The following WNT16 variants were observed in gnomAD, a reference collection of about 807,000 sequenced individuals.
The protein encoded by WNT16 is Wnt family member 16, also known as protein Wnt-16.
WNT16 carries 20 observed loss-of-function variants against 35.4 expected under a neutral mutation model. The observed-to-expected ratio is 0.56, with a 90% CI of 0.40 to 0.82. WNT16 has a LOEUF of 0.82. Ranked by LOEUF, WNT16 falls within the 40% of genes least tolerant of loss-of-function variation. WNT16 has a pLI of 0.00. For synonymous variants in WNT16, 180 were observed against 179.2 expected (o/e 1.00, Z -0.03); for missense variants, 461 against 466.0 (o/e 0.99, Z 0.10).
At chr7:121,326,405 C>A (rs2116827781), upstream of WNT16, among the ~76,000 whole-genome samples, 1 of 152,282 alleles carries the variant, frequency 6.6e-6, no homozygotes, top group African/African-American at 2.4e-5. Flanking sequence ...CTAGCCCATA[C>A]AAAAGAGATG....
intron 3 of WNT16, among the ~76,000 whole-genome samples, chr7:121,332,652 G>A (rs1453047931): frequency 6.6e-6 from 1 of 151,908 alleles, no homozygotes; most frequent in Admixed American, 6.6e-5. Context: ...GGTAATATGT[G>A]CCCTTAACTA....
intron 2 of WNT16, 142 bp downstream of exon 2, chr7:121,329,959 G>C: frequency 7.6e-7 from 1 of 1,319,574 alleles, no homozygotes; most frequent in Non-Finnish European, 1.0e-6. Context: ...CGGGGATTGA[G>C]AGCTACAAAG....
In WNT16 at chr7:121,338,950, T is replaced by C. The variant is rs1562877801; in HGVS notation, c.703T>C (p.Cys235Arg). 2 of 1,614,160 alleles carry C rather than the reference T, an allele frequency of 1.2e-6. No homozygotes were observed. Among genetic ancestry groups the C allele is most frequent in the Non-Finnish European group, 8.5e-7 (1 of 1,180,016 alleles). ...GVSGSCAVKT[C>R]WKTMSSFEKI... Reference sequence around the variant, plus strand: ...TTCCGGCTCCTGTGCTGTGAAAACATGCTGGAAAACCATGTCTTCTTTTGA... The same window carrying C: ...TTCCGGCTCCTGTGCTGTGAAAACACGCTGGAAAACCATGTCTTCTTTTGA... Residue 235 changes from cysteine to arginine, a missense_variant, in exon 4 of 4, where the codon TGC becomes CGC. Transcript: ENST00000222462.
intron 3 of WNT16, among the ~76,000 whole-genome samples, chr7:121,335,849 TA>T (rs1457390542): frequency 6.6e-5 from 10 of 152,278 alleles, no homozygotes; most frequent in Admixed American, 3.3e-4. Flanking sequence ...TATTTTTCTG[TA>T]AAATTGAAAT....
chr7:121,332,258 A>C (rs541402291), intron 3 of WNT16, among the ~76,000 whole-genome samples: 2 of 133,962 alleles, frequency 1.5e-5, no homozygotes, highest in Non-Finnish European at 3.4e-5. Flanking sequence ...GTGTGTATAC[A>C]CATTTGCACA....
At chr7:121,325,535 G>C, upstream of WNT16, 1 of 1,549,520 alleles carries the variant, frequency 6.5e-7, no homozygotes, top group Non-Finnish European at 8.8e-7. Flanking sequence ...TTTCAATGGA[G>C]AGATCTGTGA....
At chr7:121,333,133 T>C (rs1793380529) in intron 3 of WNT16, among the ~76,000 whole-genome samples, 1 of 152,032 alleles carries the variant, frequency 6.6e-6, no homozygotes, top group East Asian at 1.9e-4. Flanking sequence ...CTTATAAAGG[T>C]CCCAAAGTAA....
At chr7:121,328,740 T>C (rs781765951), upstream of WNT16, among the ~76,000 whole-genome samples, 3 of 152,206 alleles carry the variant, frequency 2.0e-5, no homozygotes, top group African/African-American at 4.8e-5. Context: ...CCTGTTAGTC[T>C]TCGGGTTGAA....
At chr7:121,327,310 T>G (rs577578250), upstream of WNT16, among the ~76,000 whole-genome samples, 1 of 152,076 alleles carries the variant, frequency 6.6e-6, no homozygotes, top group East Asian at 1.9e-4. Flanking sequence ...TATTGCTCAC[T>G]GATTGATATA....
upstream of WNT16, among the ~76,000 whole-genome samples, chr7:121,326,037 T>TGAAAAAAA (rs1793239369): frequency 2.9e-5 from 1 of 34,892 alleles, no homozygotes; most frequent in African/African-American, 2.1e-4. Flanking sequence ...ATACCTCATC[T>TGAAAAAAA]CAAAAAAAAA....
chr7:121,331,507 A>G (rs1343850767), intron 2 of WNT16, among the ~76,000 whole-genome samples, 171 bp from the exon 3 acceptor site: 2 of 151,578 alleles, frequency 1.3e-5, no homozygotes, highest in Non-Finnish European at 3.0e-5. Flanking sequence ...GTTGCTTTTT[A>G]AGAGACTAGA....
intron 3 of WNT16, among the ~76,000 whole-genome samples, chr7:121,332,221 G>C (rs1466193015): frequency 7.2e-6 from 1 of 138,922 alleles, no homozygotes; most frequent in Non-Finnish European, 1.5e-5. Flanking sequence ...AGGAGGCTTT[G>C]ATTAGAATAA....
intron 3 of WNT16, among the ~76,000 whole-genome samples, chr7:121,334,497 T>C (rs1257880822): frequency 1.3e-5 from 2 of 152,144 alleles, no homozygotes; most frequent in Non-Finnish European, 2.9e-5. Context: ...ACATTGGCAA[T>C]TAGGATTTTA....
At chr7:121,330,411 C>T (rs764065304) in intron 2 of WNT16, among the ~76,000 whole-genome samples, 4 of 152,242 alleles carry the variant, frequency 2.6e-5, no homozygotes, top group Non-Finnish European at 4.4e-5. Flanking sequence ...TTTCCCTCCT[C>T]GGCGCACTCC....
chr7:121,329,494 G>A, intron 1 of WNT16, 73 bp from the exon 2 acceptor site: 1 of 1,598,772 alleles, frequency 6.3e-7, no homozygotes. Flanking sequence ...ACCCTTAGAC[G>A]AGTGACCTAA....
upstream of WNT16, chr7:121,325,535 G>A: frequency 6.5e-7 from 1 of 1,549,520 alleles, no homozygotes; most frequent in African/African-American, 1.4e-5. Flanking sequence ...TTTCAATGGA[G>A]AGATCTGTGA....
rs986415474 is a variant in WNT16, at chr7:121,340,743, G to A, written c.*1398G>A. 2.0e-5 allele frequency: 3 copies of A among 152,288 alleles called. No individual in the cohort carries two copies. Among genetic ancestry groups the A allele is most frequent in the African/African-American group, 4.8e-5 (2 of 41,386 alleles). 9.4% of individuals were successfully genotyped at this position (152,288 alleles called of 1,614,324 possible). A position where few individuals can be genotyped will look rare whatever the true frequency, so the allele number is the denominator to read the frequency against. ...TGCTGCATTTCTATTTGAATGTTAA[G>A]TGGTCTTTCTTGTTTTTAATATTCA... On this transcript the variant is annotated 3_prime_UTR_variant, in exon 4 of 4. Transcript: ENST00000222462.
chr7:121,330,222 T>C (rs1793317589), intron 2 of WNT16, among the ~76,000 whole-genome samples: 1 of 152,244 alleles, frequency 6.6e-6, no homozygotes, highest in African/African-American at 2.4e-5. Context: ...CCAACTCCGC[T>C]GCGCACCAAA....
Position 121,339,471 on chromosome 7 carries a change from C to CCTCA in WNT16, c.*128_*129insCACT. ...GCAGTGGAATCCCTAGAACCTTGGACCTGAGAGTTTCCCTTACCTGATCGA... is the reference window on the plus strand; with the variant it reads ...GCAGTGGAATCCCTAGAACCTTGGACCTCACTGAGAGTTTCCCTTACCTGATCGA... On this transcript the variant is annotated 3_prime_UTR_variant, in exon 4 of 4. Coordinates refer to ENST00000222462, the MANE Select transcript of WNT16 (RefSeq NM_057168.2). 1.2e-6 allele frequency: 1 copy of CCTCA among 804,962 alleles called. No homozygotes were observed. The highest frequency in any genetic ancestry group is 1.9e-6 in the Non-Finnish European group (1 of 523,068). The allele number at this position is 804,962 out of a possible 1,614,324, so 49.9% of individuals were successfully genotyped here. A position where few individuals can be genotyped will look rare whatever the true frequency, so the allele number is the denominator to read the frequency against.
Sources: allele counts gnomAD v4.1 joint callset (sites outside exome capture counted in the v4.1 genomes callset), GRCh38; gene constraint gnomAD v4.1.1; transcripts MANE v1.5; gene names NCBI Gene and HGNC (gene_info 2026-07-23, HGNC 2026-07-21).